Variants in ROBO1 observed in about 807,000 individuals in gnomAD.
The protein encoded by ROBO1 is roundabout guidance receptor 1.
Under a neutral mutation model 195.9 loss-of-function variants are expected in ROBO1, and 149 were observed. The ratio of observed to expected loss-of-function variants is 0.76; its 90% CI spans 0.67 to 0.87. ROBO1 has a LOEUF of 0.87. Ranked by LOEUF, ROBO1 falls within the 40% of genes least tolerant of loss-of-function variation. The pLI, the probability that ROBO1 is intolerant of heterozygous loss-of-function variation, is 0.00. For synonymous variants in ROBO1, 816 were observed against 733.2 expected (o/e 1.11, Z -1.82); for missense variants, 1,933 against 2,068.3 (o/e 0.93, Z 1.27).
intron 3 of ROBO1, among the ~76,000 whole-genome samples, chr3:79,017,307 TA>T (rs1347161124): frequency 4.6e-5 from 7 of 152,110 alleles, no homozygotes; most frequent in Non-Finnish European, 7.3e-5. Flanking sequence ...GGTCAAAACA[TA>T]AATGATAACC....
intron 4 of ROBO1, among the ~76,000 whole-genome samples, chr3:78,865,308 C>T (rs954746748): frequency 3.3e-5 from 5 of 152,104 alleles, no homozygotes; most frequent in African/African-American, 1.2e-4. Flanking sequence ...GGTGAAAATG[C>T]TACATTGTTT....
intron 2 of ROBO1, among the ~76,000 whole-genome samples, chr3:79,587,285 T>C (rs1159313721): frequency 1.3e-5 from 2 of 151,836 alleles, no homozygotes. Context: ...TCAAATATTT[T>C]AATATTTACT....
intron 3 of ROBO1, among the ~76,000 whole-genome samples, chr3:79,052,616 T>C (rs928597992): frequency 7.9e-5 from 12 of 152,126 alleles, no homozygotes; most frequent in Non-Finnish European, 1.8e-4. Flanking sequence ...ACATGTGATG[T>C]CACCCCCAGA....
At chr3:79,393,430 T>C (rs1286276180) in intron 2 of ROBO1, among the ~76,000 whole-genome samples, 1 of 152,220 alleles carries the variant, frequency 6.6e-6, no homozygotes, top group Non-Finnish European at 1.5e-5. Flanking sequence ...AAGAATAGAC[T>C]ATAAATTAAT....
chr3:79,196,214 T>C (rs1042322973), intron 2 of ROBO1, among the ~76,000 whole-genome samples: 1 of 151,154 alleles, frequency 6.6e-6, no homozygotes, highest in Non-Finnish European at 1.5e-5. Context: ...GACTTGGTGG[T>C]TTTCTCAGAA....
At chr3:79,323,141 G>T (rs1012198107) in intron 2 of ROBO1, among the ~76,000 whole-genome samples, 2 of 151,660 alleles carry the variant, frequency 1.3e-5, no homozygotes, top group Non-Finnish European at 2.9e-5. Flanking sequence ...GAGTGCAGTG[G>T]CACGATCGCA....
chr3:78,773,459 T>G (rs917818658), intron 4 of ROBO1, among the ~76,000 whole-genome samples: 4 of 152,182 alleles, frequency 2.6e-5, no homozygotes, highest in African/African-American at 9.6e-5. Flanking sequence ...TCTACTCATT[T>G]GTATTTTAAA....
intron 3 of ROBO1, among the ~76,000 whole-genome samples, chr3:79,116,344 T>C (rs2079996576): frequency 6.6e-6 from 1 of 151,388 alleles, no homozygotes; most frequent in African/African-American, 2.4e-5. Context: ...TTCCTTTCTT[T>C]CTTTTTCTTT....
intron 1 of ROBO1, among the ~76,000 whole-genome samples, chr3:79,714,858 G>T (rs1175460854): frequency 8.1e-6 from 1 of 124,072 alleles, no homozygotes; most frequent in Non-Finnish European, 1.6e-5. Flanking sequence ...TGGGGTGGGG[G>T]GAGGGGGGAG....
At chr3:78,789,451 G>A (rs1360903263) in intron 4 of ROBO1, among the ~76,000 whole-genome samples, 1 of 152,150 alleles carries the variant, frequency 6.6e-6, no homozygotes, top group Non-Finnish European at 1.5e-5. Flanking sequence ...TTCACTCTCA[G>A]TAATGATTTG....
chr3:79,546,952 C>A (rs538751993), intron 2 of ROBO1, among the ~76,000 whole-genome samples: 1 of 152,016 alleles, frequency 6.6e-6, no homozygotes. Context: ...GAGGCCGAGG[C>A]GGGCGGATCA....
In ROBO1 at chr3:78,657,221, C is replaced by T. The variant is rs1707093561; in HGVS notation, c.2491G>A (p.Asp831Asn). 1.9e-6 allele frequency: 3 copies of T among 1,613,510 alleles called. No homozygotes were observed. Among genetic ancestry groups the T allele is most frequent in the African/African-American group, 1.3e-5 (1 of 74,930 alleles). Residue 831 changes from aspartate (D) to asparagine (N), a missense_variant, in exon 18 of 31, where the codon GAT (aspartate) becomes AAT (asparagine). By Grantham distance (23) the Asp-to-Asn change is conservative. Coordinates refer to ENST00000464233, the MANE Select transcript of ROBO1 (RefSeq NM_002941.4). ...ETRYHINKTV[D>N]GSTFSVVIPF... is the part of the protein sequence containing the mutation. Reference sequence around the variant, plus strand: ...ATGACCACGGAAAAGGTGGAACCATCCACTGTTTTGTTGATGTGGTATCGA... The same window carrying T: ...ATGACCACGGAAAAGGTGGAACCATTCACTGTTTTGTTGATGTGGTATCGA...
intron 2 of ROBO1, among the ~76,000 whole-genome samples, chr3:79,427,112 TTTTC>T (rs1456822985): frequency 6.6e-6 from 1 of 152,182 alleles, no homozygotes; most frequent in African/African-American, 2.4e-5. Context: ...TCCAAGTCAT[TTTTC>T]TTTCTAATTA....
At chr3:78,713,424 C>A (rs535729345) in intron 8 of ROBO1, among the ~76,000 whole-genome samples, 1 of 152,000 alleles carries the variant, frequency 6.6e-6, no homozygotes, top group Admixed American at 6.5e-5. Context: ...AATGTTAGAC[C>A]CCAAAACAAG....
At chr3:78,602,832 T>C (rs73850721) in intron 29 of ROBO1, among the ~76,000 whole-genome samples, 1,629 of 152,308 alleles carry the variant, frequency 0.011, 30 homozygotes, top group African/African-American at 0.037. Context: ...GCTCACTCCC[T>C]TAGATATCTT....
At chr3:79,251,162 T>C (rs955176284) in intron 2 of ROBO1, among the ~76,000 whole-genome samples, 1 of 152,206 alleles carries the variant, frequency 6.6e-6, no homozygotes, top group Non-Finnish European at 1.5e-5. Flanking sequence ...TATATGTATA[T>C]AATTACCCAA....
At chr3:79,694,852 AC>A (rs1222583449) in intron 1 of ROBO1, among the ~76,000 whole-genome samples, 2 of 151,714 alleles carry the variant, frequency 1.3e-5, no homozygotes, top group Non-Finnish European at 3.0e-5. Flanking sequence ...CAGATGTATA[AC>A]TTAAGCTTTT....
intron 2 of ROBO1, among the ~76,000 whole-genome samples, chr3:79,165,541 C>T (rs1487922842): frequency 9.2e-5 from 14 of 152,138 alleles, no homozygotes; most frequent in Admixed American, 6.5e-4. Context: ...AGTGTCAAAA[C>T]GTCTGTACTA....
chr3:79,716,527 T>A (rs1702492996), intron 1 of ROBO1, among the ~76,000 whole-genome samples: 1 of 151,928 alleles, frequency 6.6e-6, no homozygotes, highest in South Asian at 2.1e-4. Context: ...AACGAAACAA[T>A]ACTATGATAA....
Sources: allele counts gnomAD v4.1 joint callset (sites outside exome capture counted in the v4.1 genomes callset), GRCh38; gene constraint gnomAD v4.1.1; transcripts MANE v1.5; gene names NCBI Gene and HGNC (gene_info 2026-07-23, HGNC 2026-07-21).